Variants in ANKUB1 observed in about 807,000 individuals in gnomAD.
The protein encoded by ANKUB1 is protein ANKUB1.
Under a neutral mutation model 49.3 loss-of-function variants are expected in ANKUB1, and 42 were observed. That is an observed-to-expected ratio of 0.85 (90% CI 0.67 to 1.10). The LOEUF (loss-of-function observed/expected upper bound fraction) is 1.10. Among genes scored for constraint, ANKUB1 ranks in the 50% least tolerant of loss-of-function variants. The pLI is 0.00. For missense variants in ANKUB1, 613 were observed against 642.0 expected (o/e 0.95, Z 0.49); for synonymous variants, 222 against 231.0 (o/e 0.96, Z 0.35).
chr3:149,772,813 G>A (rs957328190), intron 3 of ANKUB1, among the ~76,000 whole-genome samples: 2 of 152,182 alleles, frequency 1.3e-5, no homozygotes, highest in Non-Finnish European at 2.9e-5. Context: ...TTCTGGCCAT[G>A]CTCTGCCCTC....
chr3:149,790,206 T>A (rs1718300209), intron 2 of ANKUB1, among the ~76,000 whole-genome samples: 1 of 152,118 alleles, frequency 6.6e-6, no homozygotes, highest in Admixed American at 6.5e-5. Context: ...GCACATTAAT[T>A]TTGTTTATAT....
chr3:149,768,609 T>A (rs1003640360), intron 4 of ANKUB1, among the ~76,000 whole-genome samples: 13 of 152,074 alleles, frequency 8.5e-5, no homozygotes, highest in African/African-American at 2.7e-4. Flanking sequence ...TGATGCAATC[T>A]TGGCTCACTG....
At chr3:149,788,725 T>C (rs955588570) in intron 2 of ANKUB1, among the ~76,000 whole-genome samples, 7 of 152,100 alleles carry the variant, frequency 4.6e-5, no homozygotes, top group African/African-American at 1.7e-4. Context: ...AGGTTGCATC[T>C]GGGGAGGGAA....
chr3:149,769,877 G>T (rs73005777), intron 4 of ANKUB1, among the ~76,000 whole-genome samples: 9,574 of 151,994 alleles, frequency 0.063, 487 homozygotes, highest in African/African-American at 0.14. Context: ...AAACCAAATC[G>T]AAGTCACCCA....
At chr3:149,777,445 C>G (rs1717650148) in intron 3 of ANKUB1, among the ~76,000 whole-genome samples, 1 of 151,986 alleles carries the variant, frequency 6.6e-6, no homozygotes, top group African/African-American at 2.4e-5. Flanking sequence ...GCACTCTAAC[C>G]TGGCAACAGG....
Position 149,780,519 on chromosome 3 carries a change from G to A in ANKUB1, c.235-64C>T, listed in dbSNP as rs1222520203. Reference sequence around the variant, plus strand: ...GTTCAGATGAGGGCCAAGCATTTCAGAGGGTAGCTTTGAGCACCTCTAGCT... The same window carrying A: ...GTTCAGATGAGGGCCAAGCATTTCAAAGGGTAGCTTTGAGCACCTCTAGCT... On this transcript the variant is annotated intron_variant, in intron 2 of 5. Coordinates refer to ENST00000446160, the MANE Select transcript of ANKUB1 (RefSeq NM_001144960.3). 3 of 1,305,460 alleles carry A rather than the reference G, an allele frequency of 2.3e-6. No homozygotes were observed. The African/African-American group carries it at 4.4e-5, about 19-fold the overall frequency. The allele number at this position is 1,305,460 out of a possible 1,614,324, so 80.9% of individuals were successfully genotyped here. A position where few individuals can be genotyped will look rare whatever the true frequency, so the allele number is the denominator to read the frequency against.
At chr3:149,789,782 A>G (rs1718278029) in intron 2 of ANKUB1, among the ~76,000 whole-genome samples, 1 of 151,994 alleles carries the variant, frequency 6.6e-6, no homozygotes, top group South Asian at 2.1e-4. Context: ...GGCTCATGCC[A>G]TCACGCGCAG....
chr3:149,777,018 T>C (rs1717624638), intron 3 of ANKUB1, among the ~76,000 whole-genome samples: 1 of 152,138 alleles, frequency 6.6e-6, no homozygotes, highest in Non-Finnish European at 1.5e-5. Flanking sequence ...TGTCCTGTTC[T>C]GCCTTCTGTG....
Position 149,770,609 on chromosome 3 carries a change from G to T in ANKUB1, c.517C>A (p.Gln173Lys). Reference protein sequence around the residue: ...KEFLMGCLLGQKLKVQRYLSK... With the variant: ...KEFLMGCLLGKKLKVQRYLSK... ...AAGTAGCGTTGGACTTTAAGTTTTT[G>T]TCCAAGGAGACAACCCATCAGAAAT... The change falls in exon 4 of 6, where the codon CAA becomes AAA. Residue 173 changes from glutamine to lysine, a missense_variant. Coordinates refer to ENST00000446160, the MANE Select transcript of ANKUB1 (RefSeq NM_001144960.3). 6.5e-7 allele frequency: 1 copy of T among 1,550,062 alleles called. No individual in the cohort carries two copies. The highest frequency in any genetic ancestry group is 1.2e-5 in the South Asian group (1 of 83,594).
chr3:149,783,082 C>T (rs900209378), intron 2 of ANKUB1: 1 of 152,100 alleles, frequency 6.6e-6, no homozygotes, highest in Admixed American at 6.6e-5. Flanking sequence ...ACTCTACATA[C>T]TCACCTTTGT....
intron 1 of ANKUB1, among the ~76,000 whole-genome samples, chr3:149,791,372 A>G (rs559578725): frequency 1.4e-4 from 21 of 152,328 alleles, no homozygotes; most frequent in African/African-American, 5.0e-4. Context: ...GGAAGTCCAC[A>G]TGTCACTATA....
intron 3 of ANKUB1, among the ~76,000 whole-genome samples, chr3:149,771,912 A>G (rs958601063): frequency 3.4e-5 from 5 of 148,908 alleles, no homozygotes; most frequent in African/African-American, 1.0e-4. Flanking sequence ...CTAAAAGACC[A>G]CTCATTATCT....
At chr3:149,787,188 A>T (rs1718143250) in intron 2 of ANKUB1, among the ~76,000 whole-genome samples, 1 of 152,092 alleles carries the variant, frequency 6.6e-6, no homozygotes, top group African/African-American at 2.4e-5. Flanking sequence ...CACAATATTG[A>T]TTCTTCCTAT....
At chr3:149,764,749 T>C (rs917121123) in intron 5 of ANKUB1, among the ~76,000 whole-genome samples, 6 of 151,124 alleles carry the variant, frequency 4.0e-5, no homozygotes, top group Non-Finnish European at 8.8e-5. Flanking sequence ...TTCTTTCCTC[T>C]CTCTCTTTCC....
intron 2 of ANKUB1, chr3:149,783,715 G>A (rs1283039084): frequency 6.6e-6 from 1 of 152,172 alleles, no homozygotes; most frequent in Non-Finnish European, 1.5e-5. Flanking sequence ...ATTCCAGAGT[G>A]AACAAAAGGG....
chr3:149,762,804 A>G (rs1403190734), intron 5 of ANKUB1, among the ~76,000 whole-genome samples: 2 of 152,202 alleles, frequency 1.3e-5, no homozygotes, highest in Non-Finnish European at 2.9e-5. Flanking sequence ...CTTAGTGTAG[A>G]TGCAGTCTAC....
intron 2 of ANKUB1, among the ~76,000 whole-genome samples, chr3:149,781,252 A>G (rs562542062): frequency 6.6e-6 from 1 of 152,196 alleles, no homozygotes; most frequent in Non-Finnish European, 1.5e-5. Context: ...GTTAAGATGG[A>G]AAGTTTGAGG....
chr3:149,787,586 G>A (rs913001853), intron 2 of ANKUB1, among the ~76,000 whole-genome samples: 1 of 152,068 alleles, frequency 6.6e-6, no homozygotes, highest in African/African-American at 2.4e-5. Flanking sequence ...GATTGCCCTG[G>A]CCAGAACTTC....
At position 149,790,785 on chromosome 3, in the gene ANKUB1, A is replaced by G; in HGVS notation, c.230T>C (p.Val77Ala). The G allele has an allele frequency of 6.5e-7, 1 of 1,550,350 alleles. No homozygotes were observed. Among genetic ancestry groups the G allele is most frequent in the African/African-American group, 1.4e-5 (1 of 73,116 alleles). The change falls in exon 2 of 6, where the codon GTT becomes GCT. Residue 77 changes from valine (V) to alanine (A), a missense_variant. By Grantham distance (64) the Val-to-Ala change is moderately conservative. Coordinates refer to ENST00000446160, the MANE Select transcript of ANKUB1 (RefSeq NM_001144960.3). ...ATATTATCCTGACCATCATACCTTA[A>G]CAAAGCATTTGAGAGTTGAACAGAA... Reference protein sequence around the residue: ...ISFCSTLKCFVKEEDKPTLYV... With the variant: ...ISFCSTLKCFAKEEDKPTLYV...
Sources: allele counts gnomAD v4.1 joint callset (sites outside exome capture counted in the v4.1 genomes callset), GRCh38; gene constraint gnomAD v4.1.1; transcripts MANE v1.5; gene names NCBI Gene and HGNC (gene_info 2026-07-23, HGNC 2026-07-21).